Variants in PRICKLE1 observed in about 807,000 individuals in gnomAD.
PRICKLE1 encodes the protein prickle planar cell polarity protein 1, also known as prickle-like protein 1.
PRICKLE1 carries 14 observed loss-of-function variants against 70.2 expected under a neutral mutation model. The observed-to-expected ratio is 0.20, with a 90% CI of 0.13 to 0.31. PRICKLE1 has a LOEUF of 0.31. PRICKLE1 is among the 10% of genes least tolerant of loss of function. The probability of loss-of-function intolerance (pLI) is 1.00; values close to 1 mark genes in which losing one functional copy is unlikely to be tolerated. For synonymous variants in PRICKLE1, 357 were observed against 379.9 expected, an observed-to-expected ratio of 0.94 and a Z score of 0.70; for missense variants, 821 against 1,026.2, an observed-to-expected ratio of 0.80 and a Z score of 2.73.
intron 1 of PRICKLE1, among the ~76,000 whole-genome samples, chr12:42,588,007 G>A (rs1475867852): frequency 6.6e-6 from 1 of 152,018 alleles, no homozygotes; most frequent in African/African-American, 2.4e-5. Context: ...GTCAAACAAG[G>A]CTGCCGGCTC....
chr12:42,530,891 G>A (rs538987298), intron 1 of PRICKLE1, among the ~76,000 whole-genome samples: 5 of 150,998 alleles, frequency 3.3e-5, no homozygotes, highest in South Asian at 2.1e-4. Context: ...GGCTGGTCTC[G>A]AACTTCTGGC....
intron 1 of PRICKLE1, among the ~76,000 whole-genome samples, chr12:42,512,480 A>G (rs1449720138): frequency 6.6e-6 from 1 of 152,096 alleles, no homozygotes; most frequent in Non-Finnish European, 1.5e-5. Flanking sequence ...CCAGCTGGAC[A>G]TTGTGTTTTT....
intron 1 of PRICKLE1, among the ~76,000 whole-genome samples, chr12:42,497,327 C>T (rs1181886017): frequency 3.3e-5 from 5 of 151,944 alleles, no homozygotes; most frequent in South Asian, 2.1e-4. Flanking sequence ...GGGCGGATCA[C>T]GAGGTCAGGA....
intron 1 of PRICKLE1, among the ~76,000 whole-genome samples, chr12:42,532,292 T>C (rs1939932188): frequency 6.6e-6 from 1 of 152,264 alleles, no homozygotes; most frequent in Non-Finnish European, 1.5e-5. Flanking sequence ...CAATGAGTAA[T>C]TTTTAATACT....
chr12:42,474,357 A>G (rs1938440740), intron 1 of PRICKLE1, among the ~76,000 whole-genome samples: 1 of 152,236 alleles, frequency 6.6e-6, no homozygotes, highest in Non-Finnish European at 1.5e-5. Context: ...TTAACATTGT[A>G]ACAGTTCATA....
Position 42,460,629 on chromosome 12 carries a change from G to A in PRICKLE1, c.1676C>T (p.Ser559Leu), listed in dbSNP as rs771584708. 1.2e-5 allele frequency: 19 copies of A among 1,611,950 alleles called. No individual in the cohort carries two copies. The East Asian group carries it at 3.8e-4, about 32-fold the overall frequency. ...CTCAAAATTTTGCAGAGAATACAAT[G>A]ATGGCCTTGGCTTGTTTTCTCCATC... ...SVDGENKPRP[S>L]LYSLQNFEEM... Residue 559 changes from serine to leucine, a missense_variant, in exon 8 of 8, where the codon TCA (serine) becomes TTA (leucine). Transcript: ENST00000345127.
intron 1 of PRICKLE1, among the ~76,000 whole-genome samples, chr12:42,478,099 A>C (rs1285881395): frequency 6.6e-6 from 1 of 151,812 alleles, no homozygotes; most frequent in Non-Finnish European, 1.5e-5. Flanking sequence ...TTGCATCATC[A>C]TCCTCCCTCC....
At chr12:42,495,111 G>A (rs1939171858) in intron 1 of PRICKLE1, among the ~76,000 whole-genome samples, 1 of 151,788 alleles carries the variant, frequency 6.6e-6, no homozygotes, top group East Asian at 1.9e-4. Context: ...GCTCATGCCT[G>A]TAATCCCAGC....
intron 1 of PRICKLE1, among the ~76,000 whole-genome samples, chr12:42,502,648 C>G (rs962541669): frequency 1.3e-5 from 2 of 152,122 alleles, no homozygotes; most frequent in Non-Finnish European, 2.9e-5. Flanking sequence ...TTCTCTTCTC[C>G]TTTCTACTTT....
At chr12:42,480,085 G>C (rs908179090) in intron 1 of PRICKLE1, among the ~76,000 whole-genome samples, 1 of 152,146 alleles carries the variant, frequency 6.6e-6, no homozygotes, top group Non-Finnish European at 1.5e-5. Context: ...CACTGGCTTC[G>C]GGATTCAAGA....
At chr12:42,585,319 C>T (rs1940969961) in intron 1 of PRICKLE1, among the ~76,000 whole-genome samples, 1 of 152,128 alleles carries the variant, frequency 6.6e-6, no homozygotes, top group South Asian at 2.1e-4. Context: ...GAGAATGAAG[C>T]TGGAAAGGTC....
chr12:42,586,297 A>AT (rs891049496), intron 1 of PRICKLE1, among the ~76,000 whole-genome samples: 1 of 151,898 alleles, frequency 6.6e-6, no homozygotes, highest in Non-Finnish European at 1.5e-5. Context: ...AGAGACAGCT[A>AT]TTTTTTCCAA....
intron 1 of PRICKLE1, among the ~76,000 whole-genome samples, chr12:42,513,512 C>T (rs1004920593): frequency 7.9e-5 from 12 of 151,804 alleles, no homozygotes; most frequent in East Asian, 5.8e-4. Context: ...TGATAATGCC[C>T]GTGAATAGCT....
At chr12:42,569,017 T>C (rs997065354) in intron 1 of PRICKLE1, among the ~76,000 whole-genome samples, 1 of 152,232 alleles carries the variant, frequency 6.6e-6, no homozygotes, top group Non-Finnish European at 1.5e-5. Flanking sequence ...GATCACACCA[T>C]ACATACTAGT....
chr12:42,547,040 G>A (rs1469276996), intron 1 of PRICKLE1, among the ~76,000 whole-genome samples: 1 of 152,192 alleles, frequency 6.6e-6, no homozygotes, highest in Non-Finnish European at 1.5e-5. Context: ...TTAGCTGCAA[G>A]TTCCAAGTAT....
At chr12:42,569,843 T>G (rs1189647911) in intron 1 of PRICKLE1, among the ~76,000 whole-genome samples, 1 of 152,242 alleles carries the variant, frequency 6.6e-6, no homozygotes, top group Non-Finnish European at 1.5e-5. Context: ...TGGGAAATTC[T>G]GCTCGGGATG....
Position 42,517,103 on chromosome 12 carries a change from T to A in PRICKLE1, c.-48-44539A>T, listed in dbSNP as rs114645846. Among the ~76,000 whole-genome samples, 1,154 of 152,346 alleles carry A rather than the reference T, an allele frequency of 7.6e-3. 19 individuals are homozygous for A. The highest frequency in any genetic ancestry group is 0.026 in the African/African-American group (1,091 of 41,568). ...TTGCTTCTCAACTTGCTTCTCAATCTGTACTTCCAGATTAGGATCTGCCTC... is the reference window on the plus strand; with the variant it reads ...TTGCTTCTCAACTTGCTTCTCAATCAGTACTTCCAGATTAGGATCTGCCTC... On this transcript the variant is annotated intron_variant, in intron 1 of 7. Coordinates refer to ENST00000345127, the MANE Select transcript of PRICKLE1 (RefSeq NM_153026.3).
intron 2 of PRICKLE1, among the ~76,000 whole-genome samples, chr12:42,470,995 G>A (rs1250338199): frequency 6.6e-6 from 1 of 152,014 alleles, no homozygotes; most frequent in East Asian, 1.9e-4. Flanking sequence ...GGTGAATCCT[G>A]CAAATTACTA....
At chr12:42,519,308 T>C (rs1939667372) in intron 1 of PRICKLE1, among the ~76,000 whole-genome samples, 1 of 149,632 alleles carries the variant, frequency 6.7e-6, no homozygotes, top group Non-Finnish European at 1.5e-5. Context: ...GTGATTCTCC[T>C]GCCTCGGCCT....
Sources: gnomAD v4.1 joint callset for allele counts (sites outside exome capture counted in the v4.1 genomes callset) on GRCh38, gnomAD v4.1.1 for gene constraint, MANE v1.5 for transcripts, NCBI Gene and HGNC (gene_info 2026-07-23, HGNC 2026-07-21) for gene names.